CDH12: variants seen among roughly 807,000 people sequenced by gnomAD.
The protein encoded by CDH12 is cadherin-12.
Under a neutral mutation model 74.1 loss-of-function variants are expected in CDH12, and 41 were observed. That is an observed-to-expected ratio of 0.55 (90% CI 0.43 to 0.72). The LOEUF is 0.72. Among genes scored for constraint, CDH12 ranks in the 30% least tolerant of loss-of-function variants. The pLI is 0.00. For missense variants in CDH12, 945 were observed against 977.2 expected, an observed-to-expected ratio of 0.97 and a Z score of 0.44; for synonymous variants, 399 against 355.0, an observed-to-expected ratio of 1.12 and a Z score of -1.39.
At chr5:22,192,218 G>A (rs952089395) in intron 4 of CDH12, among the ~76,000 whole-genome samples, 8 of 152,168 alleles carry the variant, frequency 5.3e-5, no homozygotes, top group African/African-American at 1.9e-4. Flanking sequence ...ACAGGCATGA[G>A]TCACCATGCC....
intron 1 of CDH12, among the ~76,000 whole-genome samples, chr5:22,599,457 T>A (rs919744765): frequency 1.3e-5 from 2 of 152,186 alleles, no homozygotes; most frequent in African/African-American, 4.8e-5. Flanking sequence ...TGCATTCTTA[T>A]AGTGCACGCT....
chr5:22,562,586 ATTT>A (rs568879284), intron 1 of CDH12, among the ~76,000 whole-genome samples: 1 of 149,948 alleles, frequency 6.7e-6, no homozygotes. Flanking sequence ...ACTGGAAGGG[ATTT>A]TTTTTTTCTT....
At chr5:22,098,654 C>A (rs574083850) in intron 4 of CDH12, among the ~76,000 whole-genome samples, 3 of 152,162 alleles carry the variant, frequency 2.0e-5, no homozygotes, top group Non-Finnish European at 4.4e-5. Flanking sequence ...TTCGTTGAGT[C>A]GCCCACAATT....
intron 2 of CDH12, among the ~76,000 whole-genome samples, chr5:22,502,245 A>G (rs775973198): frequency 1.3e-5 from 2 of 152,070 alleles, no homozygotes; most frequent in African/African-American, 4.8e-5. Context: ...ATGATAATGA[A>G]TAAGTCTCAT....
chr5:22,564,678 C>T (rs1176220110), intron 1 of CDH12, among the ~76,000 whole-genome samples: 1 of 152,044 alleles, frequency 6.6e-6, no homozygotes, highest in Non-Finnish European at 1.5e-5. Context: ...GATCTAATTA[C>T]TCTAGATACT....
chr5:22,529,151 A>G (rs865800170), intron 1 of CDH12, among the ~76,000 whole-genome samples: 19 of 142,286 alleles, frequency 1.3e-4, no homozygotes, highest in Non-Finnish European at 2.0e-4. Flanking sequence ...ATATACACAT[A>G]TATATACACA....
intron 3 of CDH12, among the ~76,000 whole-genome samples, chr5:22,237,258 T>C (rs1752590781): frequency 6.6e-6 from 1 of 152,142 alleles, no homozygotes; most frequent in Admixed American, 6.5e-5. Context: ...TGTTGTTATG[T>C]GGTGCATGAC....
chr5:22,171,070 TG>T (rs1748995308), intron 4 of CDH12, among the ~76,000 whole-genome samples: 1 of 151,892 alleles, frequency 6.6e-6, no homozygotes. Flanking sequence ...CCATGTTATT[TG>T]GAAAGAAACA....
chr5:22,261,962 C>T (rs1255356490), intron 3 of CDH12, among the ~76,000 whole-genome samples: 1 of 152,010 alleles, frequency 6.6e-6, no homozygotes, highest in Non-Finnish European at 1.5e-5. Context: ...GAGAAAGAAA[C>T]TGTCATGTTA....
At chr5:21,925,814 C>T (rs1481628083) in intron 6 of CDH12, among the ~76,000 whole-genome samples, 2 of 151,934 alleles carry the variant, frequency 1.3e-5, no homozygotes, top group Non-Finnish European at 2.9e-5. Context: ...CATACCATGC[C>T]TCATAACAGT....
At chr5:22,081,722 T>C (rs1328748712) in intron 4 of CDH12, among the ~76,000 whole-genome samples, 1 of 152,188 alleles carries the variant, frequency 6.6e-6, no homozygotes, top group Non-Finnish European at 1.5e-5. Flanking sequence ...TATGACAACA[T>C]TCATCATCAT....
At chr5:22,318,492 T>C (rs1738724273) in intron 3 of CDH12, among the ~76,000 whole-genome samples, 1 of 152,188 alleles carries the variant, frequency 6.6e-6, no homozygotes, top group Non-Finnish European at 1.5e-5. Context: ...TATATGAGTA[T>C]CATTTATCAA....
chr5:22,036,935 T>C (rs1218923449), intron 5 of CDH12, among the ~76,000 whole-genome samples: 1 of 152,198 alleles, frequency 6.6e-6, no homozygotes, highest in African/African-American at 2.4e-5. Context: ...ATATTGATCT[T>C]AAGAAGTATG....
chr5:22,015,591 A>C (rs1737554355), intron 5 of CDH12, among the ~76,000 whole-genome samples: 1 of 152,170 alleles, frequency 6.6e-6, no homozygotes, highest in Non-Finnish European at 1.5e-5. Context: ...GCCCATGTTC[A>C]TCATGTCCTT....
At chr5:21,909,227 G>T (rs915979879) in intron 6 of CDH12, among the ~76,000 whole-genome samples, 9 of 152,028 alleles carry the variant, frequency 5.9e-5, no homozygotes. Context: ...CTCCAGTAAT[G>T]ATTATTAACA....
At chr5:22,794,355 T>C (rs767089305) in intron 1 of CDH12, among the ~76,000 whole-genome samples, 3 of 152,178 alleles carry the variant, frequency 2.0e-5, no homozygotes, top group Admixed American at 6.5e-5. Context: ...ATGCCTGCCA[T>C]ACTCACAGCT....
chr5:22,304,293 G>A (rs1287121688), intron 3 of CDH12, among the ~76,000 whole-genome samples: 1 of 152,108 alleles, frequency 6.6e-6, no homozygotes, highest in Non-Finnish European at 1.5e-5. Context: ...ATTTTTGCCT[G>A]TTTCACTAGA....
rs190602152 is a variant in CDH12, at chr5:21,982,881, G to A, written c.232-7496C>T. ...TATTTTGCATATGGATTTTTTTTCCGTAACATCTTTGTCTGTTAGTGGTTT... is the reference window on the plus strand; with the variant it reads ...TATTTTGCATATGGATTTTTTTTCCATAACATCTTTGTCTGTTAGTGGTTT... On this transcript the variant is annotated intron_variant, in intron 5 of 14. Coordinates refer to ENST00000382254, the MANE Select transcript of CDH12 (RefSeq NM_004061.5). Among the ~76,000 whole-genome samples the A allele has an allele frequency of 2.5e-3, 374 of 151,512 alleles. 1 individual carries two copies. Among genetic ancestry groups the A allele is most frequent in the African/African-American group, 7.8e-3 (321 of 41,306 alleles).
At chr5:22,708,256 G>T (rs970226897) in intron 1 of CDH12, among the ~76,000 whole-genome samples, 1 of 152,142 alleles carries the variant, frequency 6.6e-6, no homozygotes, top group Non-Finnish European at 1.5e-5. Context: ...GAGTATTGGA[G>T]ATACAAAGTT....
Sources: allele counts gnomAD v4.1 joint callset (sites outside exome capture counted in the v4.1 genomes callset), GRCh38; gene constraint gnomAD v4.1.1; transcripts MANE v1.5; gene names NCBI Gene and HGNC (gene_info 2026-07-23, HGNC 2026-07-21).